KDM7A: variants seen among roughly 807,000 people sequenced by gnomAD.
KDM7A encodes the protein lysine demethylase 7A.
A neutral mutation model predicts 114.8 loss-of-function variants in KDM7A; 28 were observed. The ratio of observed to expected loss-of-function variants is 0.24; its 90% CI spans 0.18 to 0.33. The LOEUF (loss-of-function observed/expected upper bound fraction) is 0.33. Among genes scored for constraint, KDM7A ranks in the 10% least tolerant of loss-of-function variants. The pLI is 1.00. For synonymous variants in KDM7A, 423 were observed against 397.8 expected, an observed-to-expected ratio of 1.06 and a Z score of -0.75; for missense variants, 942 against 1,142.5, an observed-to-expected ratio of 0.82 and a Z score of 2.53.
chr7:140,135,939 A>G (rs1191208078), intron 2 of KDM7A, among the ~76,000 whole-genome samples: 1 of 150,988 alleles, frequency 6.6e-6, no homozygotes, highest in Non-Finnish European at 1.5e-5. Context: ...TTTGATAGGT[A>G]AAGTATGATA....
At chr7:140,142,640 T>C (rs1048922850) in intron 1 of KDM7A, among the ~76,000 whole-genome samples, 6 of 152,062 alleles carry the variant, frequency 3.9e-5, no homozygotes, top group South Asian at 2.1e-4. Flanking sequence ...TGTAGAGCAA[T>C]AGGAACTTTA....
intron 11 of KDM7A, 34 bp downstream of exon 11, chr7:140,111,061 A>T (rs760104773): frequency 1.7e-6 from 2 of 1,171,150 alleles, no homozygotes; most frequent in Non-Finnish European, 2.6e-6. Flanking sequence ...AGCAGATAAT[A>T]ATCAAGCATT....
intron 9 of KDM7A, among the ~76,000 whole-genome samples, chr7:140,115,976 G>A (rs555354874): frequency 3.3e-5 from 5 of 150,548 alleles, no homozygotes; most frequent in African/African-American, 1.2e-4. Flanking sequence ...AAAGCACAAA[G>A]AATACTACTT....
chr7:140,103,460 C>T (rs997311790), intron 11 of KDM7A, among the ~76,000 whole-genome samples: 5 of 151,864 alleles, frequency 3.3e-5, no homozygotes, highest in East Asian at 1.9e-4. Context: ...TATCCCTCCC[C>T]CCCCCTCCAA....
chr7:140,123,203 G>A (rs373804289), intron 7 of KDM7A, among the ~76,000 whole-genome samples: 1 of 152,300 alleles, frequency 6.6e-6, no homozygotes, highest in East Asian at 1.9e-4. Context: ...GTGAGGGTGT[G>A]GAGAAACTGG....
intron 1 of KDM7A, among the ~76,000 whole-genome samples, chr7:140,171,449 C>T (rs189576223): frequency 5.4e-5 from 8 of 148,990 alleles, no homozygotes; most frequent in Non-Finnish European, 1.2e-4. Flanking sequence ...AGCCTGGAGA[C>T]AGAGCAAGAT....
chr7:140,159,693 T>A (rs1189589954), intron 1 of KDM7A, among the ~76,000 whole-genome samples: 2 of 152,120 alleles, frequency 1.3e-5, no homozygotes, highest in Non-Finnish European at 2.9e-5. Context: ...GTTTCTCACA[T>A]CCCTGGAACA....
intron 1 of KDM7A, among the ~76,000 whole-genome samples, chr7:140,159,115 T>C (rs569401097): frequency 6.6e-6 from 1 of 152,260 alleles, no homozygotes; most frequent in South Asian, 2.1e-4. Context: ...GAGGCCAAGG[T>C]GGACAGATCA....
intron 2 of KDM7A, among the ~76,000 whole-genome samples, chr7:140,135,552 T>C (rs973206810): frequency 3.3e-5 from 5 of 152,114 alleles, no homozygotes; most frequent in African/African-American, 1.2e-4. Flanking sequence ...CCTGCTTATC[T>C]TTCTTATTAT....
intron 1 of KDM7A, among the ~76,000 whole-genome samples, chr7:140,153,630 T>C (rs1018970788): frequency 6.6e-6 from 1 of 152,256 alleles, no homozygotes; most frequent in African/African-American, 2.4e-5. Context: ...TTGGTTATAA[T>C]GTACAGAGAA....
At chr7:140,154,053 T>C (rs1032916084) in intron 1 of KDM7A, among the ~76,000 whole-genome samples, 4 of 152,314 alleles carry the variant, frequency 2.6e-5, no homozygotes, top group African/African-American at 7.2e-5. Context: ...TATGCATTCA[T>C]AGGTAACACA....
At chr7:140,153,903 C>T (rs1183152700) in intron 1 of KDM7A, among the ~76,000 whole-genome samples, 1 of 152,042 alleles carries the variant, frequency 6.6e-6, no homozygotes, top group Non-Finnish European at 1.5e-5. Flanking sequence ...ATCTATTTTG[C>T]TAATAGGTCA....
intron 1 of KDM7A, among the ~76,000 whole-genome samples, chr7:140,160,043 A>G (rs561232543): frequency 1.3e-5 from 2 of 152,086 alleles, no homozygotes; most frequent in East Asian, 3.9e-4. Flanking sequence ...CACATTTTAG[A>G]TAATATTTTT....
chr7:140,101,551 GTTTT>G (rs996133869), intron 12 of KDM7A, among the ~76,000 whole-genome samples: 1 of 151,690 alleles, frequency 6.6e-6, no homozygotes, highest in Non-Finnish European at 1.5e-5. Context: ...ATTGTTTTGG[GTTTT>G]TTTTAAATAA....
chr7:140,099,145 C>G (rs1818161383), intron 13 of KDM7A, 112 bp from the exon 14 acceptor site: 1 of 848,152 alleles, frequency 1.2e-6, no homozygotes, highest in South Asian at 1.7e-5. Context: ...ACACTGTCCC[C>G]ATATTTCATT....
In KDM7A at chr7:140,176,722, G is replaced by C. The variant is rs777174446; in HGVS notation, c.194+22C>G. ...TCGGTGGCCGGCGGTGGCGGCTGCG[G>C]GGCTGGAGGGGGTTTATTTACCTGC... On this transcript the variant is annotated intron_variant, in intron 1 of 19. Coordinates refer to ENST00000397560, the MANE Select transcript of KDM7A (RefSeq NM_030647.2). This position sits in a 1 kb window ranked among gnomAD's most constrained non-coding sequence, Gnocchi z 4.4. 1.6e-6 allele frequency: 2 copies of C among 1,277,680 alleles called. No homozygotes were observed. The highest frequency in any genetic ancestry group is 3.4e-5 in the South Asian group (2 of 58,494). The allele number at this position is 1,277,680 out of a possible 1,614,324, so 79.1% of individuals were successfully genotyped here.
At chr7:140,154,007 A>G (rs575590113) in intron 1 of KDM7A, among the ~76,000 whole-genome samples, 56 of 152,148 alleles carry the variant, frequency 3.7e-4, no homozygotes, top group Non-Finnish European at 6.2e-4. Context: ...TTATTTTTGC[A>G]GTGATTTCTG....
At chr7:140,116,546 A>G (rs1376165862) in intron 9 of KDM7A, among the ~76,000 whole-genome samples, 16 of 152,220 alleles carry the variant, frequency 1.1e-4, no homozygotes. Flanking sequence ...GAGAAAGGTA[A>G]CAGAGCATTT....
rs370640824 is a variant in KDM7A, at chr7:140,089,129, C to A, written c.*1965G>T. 5 of 152,102 alleles carry A rather than the reference C, an allele frequency of 3.3e-5. No individual in the cohort carries two copies. In the South Asian group the frequency reaches 1.0e-3, roughly 32 times the overall value. The allele number at this position is 152,102 out of a possible 1,614,324, so 9.4% of individuals were successfully genotyped here. On this transcript the variant is annotated 3_prime_UTR_variant, in exon 20 of 20. Transcript: ENST00000397560. ...GGGAAGGTAGGGGAATCAGTCAAAC[C>A]CAGATTTTTGACATCCTGAGATAAG...
Sources: allele counts gnomAD v4.1 joint callset (sites outside exome capture counted in the v4.1 genomes callset), GRCh38; gene constraint gnomAD v4.1.1; non-coding constraint Gnocchi (gnomAD v3.1); transcripts MANE v1.5; gene names NCBI Gene and HGNC (gene_info 2026-07-23, HGNC 2026-07-21).